The following CCM2 variants were observed in gnomAD, a reference collection of about 807,000 sequenced individuals.
CCM2 encodes the protein CCM2 scaffold protein.
Under a neutral mutation model 44.9 loss-of-function variants are expected in CCM2, and 25 were observed. The ratio of observed to expected loss-of-function variants is 0.56; its 90% CI spans 0.41 to 0.78. The LOEUF (loss-of-function observed/expected upper bound fraction) is 0.78, where lower values mean the gene tolerates loss of function less well. CCM2 is among the 30% of genes least tolerant of loss of function. The pLI, the probability that CCM2 is intolerant of heterozygous loss-of-function variation, is 0.00. For missense variants in CCM2, 481 were observed against 580.6 expected (o/e 0.83, Z 1.76); for synonymous variants, 219 against 241.1 (o/e 0.91, Z 0.85).
In CCM2 at chr7:45,024,903, C is replaced by G. The variant is rs551246549; in HGVS notation, c.31-13350C>G. ...CTACTTGTTACTGTGCTTTTTCTGTCCATAAAATTGAGTTCATCGTTGTTG... is the reference window on the plus strand; with the variant it reads ...CTACTTGTTACTGTGCTTTTTCTGTGCATAAAATTGAGTTCATCGTTGTTG... On this transcript the variant is annotated intron_variant, in intron 1 of 9. Transcript: ENST00000258781. 1.3e-5 allele frequency among the ~76,000 whole-genome samples: 2 copies of G among 152,240 alleles called. 1 individual carries two copies. Among genetic ancestry groups the G allele is most frequent in the African/African-American group, 4.8e-5 (2 of 41,554 alleles).
chr7:45,032,996 T>C (rs1797037446), intron 1 of CCM2, among the ~76,000 whole-genome samples: 1 of 127,026 alleles, frequency 7.9e-6, no homozygotes, highest in Non-Finnish European at 1.5e-5. Context: ...ACCAAGATTA[T>C]GCCATTGCAC....
chr7:45,026,211 A>G (rs1014488854), intron 1 of CCM2, among the ~76,000 whole-genome samples: 3 of 152,196 alleles, frequency 2.0e-5, no homozygotes, highest in African/African-American at 4.8e-5. Flanking sequence ...TGTATAGGCA[A>G]CTTTTAGGAA....
Position 45,075,760 on chromosome 7 carries a change from G to A in CCM2, c.1055-17G>A. 1 of 1,613,566 alleles carries A rather than the reference G, an allele frequency of 6.2e-7. No homozygotes were observed. On this transcript the variant is annotated splice_polypyrimidine_tract_variant and intron_variant, in intron 9 of 9. Transcript: ENST00000258781. ...AGCCGAACTGGAGGTGCCATGCTGGGTGTTGTGTGTCTGCAGGTCTGAGGC... is the reference window on the plus strand; with the variant it reads ...AGCCGAACTGGAGGTGCCATGCTGGATGTTGTGTGTCTGCAGGTCTGAGGC...
At chr7:45,010,329 T>C (rs1796018184) in intron 1 of CCM2, among the ~76,000 whole-genome samples, 1 of 152,200 alleles carries the variant, frequency 6.6e-6, no homozygotes, top group African/African-American at 2.4e-5. Context: ...AATTCCCTTA[T>C]GCCCCTTAGA....
At chr7:45,029,904 G>A (rs1357220584) in intron 1 of CCM2, among the ~76,000 whole-genome samples, 1 of 152,200 alleles carries the variant, frequency 6.6e-6, no homozygotes, top group East Asian at 1.9e-4. Flanking sequence ...AGCTTAAGAC[G>A]TTAACTTTGT....
At chr7:45,012,313 T>C (rs1253196097) in intron 1 of CCM2, among the ~76,000 whole-genome samples, 2 of 151,748 alleles carry the variant, frequency 1.3e-5, no homozygotes, top group African/African-American at 4.8e-5. Context: ...TTTGTATTTT[T>C]AGTAGAGACG....
chr7:45,005,136 C>G (rs138086369), intron 1 of CCM2, among the ~76,000 whole-genome samples: 1 of 151,984 alleles, frequency 6.6e-6, no homozygotes, highest in African/African-American at 2.4e-5. Flanking sequence ...TGCAGTGATT[C>G]TTGGATGGCA....
chr7:45,040,065 T>G (rs1412718723), intron 2 of CCM2, among the ~76,000 whole-genome samples: 3 of 150,076 alleles, frequency 2.0e-5, no homozygotes, highest in African/African-American at 7.4e-5. Flanking sequence ...TATTTATATA[T>G]CTTTAAAAAA....
At chr7:45,031,033 T>A (rs1796941773) in intron 1 of CCM2, among the ~76,000 whole-genome samples, 1 of 152,168 alleles carries the variant, frequency 6.6e-6, no homozygotes. Context: ...CTCGATTTAT[T>A]TTTTAACTAG....
intron 1 of CCM2, among the ~76,000 whole-genome samples, chr7:45,014,951 A>G (rs527341331): frequency 6.6e-6 from 1 of 152,348 alleles, no homozygotes; most frequent in African/African-American, 2.4e-5. Context: ...TGTACAGTTC[A>G]ATAGCACCAA....
At chr7:45,068,205 A>T (rs1798877664) in intron 4 of CCM2, 2 of 596,756 alleles carry the variant, frequency 3.4e-6, no homozygotes, top group South Asian at 3.8e-5. Context: ...GAAGCGTGTG[A>T]AACTGCAGGA....
intron 1 of CCM2, chr7:45,027,330 C>G (rs1796733478): frequency 2.8e-6 from 1 of 354,840 alleles, no homozygotes; most frequent in Non-Finnish European, 5.5e-6. Context: ...TAGCCCCTCA[C>G]AGTGCTTTCT....
intron 1 of CCM2, among the ~76,000 whole-genome samples, chr7:45,012,412 G>A (rs1209407068): frequency 2.0e-5 from 3 of 152,090 alleles, no homozygotes; most frequent in African/African-American, 7.2e-5. Context: ...GGGATTACAG[G>A]TGTGAGCCAC....
rs554562895 is a variant in CCM2, at chr7:45,049,616, TATTTA to T, written c.204+11196_204+11200del. 1.2e-4 allele frequency among the ~76,000 whole-genome samples: 19 copies of T among 152,388 alleles called. No homozygotes were observed. In the East Asian group the frequency reaches 1.7e-3, roughly 14 times the overall value. ...ATTTAACCAGTGATTTATTAATACA[TATTTA>T]ATTTATTTTCAACTGTTATGTATGT... On this transcript the variant is annotated intron_variant, in intron 2 of 9. Transcript: ENST00000258781.
At chr7:45,021,568 AAAAAAAATAAAATAAAAT>A (rs1010904110) in intron 1 of CCM2, among the ~76,000 whole-genome samples, 1 of 151,510 alleles carries the variant, frequency 6.6e-6, no homozygotes, top group African/African-American at 2.4e-5. Flanking sequence ...TTTCTCAAAA[AAAAAAAATAAAATAAAAT>A]AAATAATAAA....
intron 2 of CCM2, among the ~76,000 whole-genome samples, chr7:45,038,708 G>A (rs1185357534): frequency 2.0e-5 from 3 of 152,222 alleles, no homozygotes; most frequent in African/African-American, 7.2e-5. Context: ...TCCACCAGAA[G>A]AGGGTTAAAG....
intron 1 of CCM2, among the ~76,000 whole-genome samples, chr7:45,011,431 A>G (rs998318539): frequency 1.5e-4 from 23 of 152,308 alleles, no homozygotes; most frequent in African/African-American, 4.8e-4. Context: ...TCCTGACCTC[A>G]GGTGATCCAG....
intron 6 of CCM2, chr7:45,071,154 C>CT (rs1432493844): frequency 1.3e-5 from 2 of 152,254 alleles, no homozygotes; most frequent in African/African-American, 4.8e-5. Context: ...GAAGTGGAGG[C>CT]TTAGAAGTCA....
At position 45,076,295 on chromosome 7, in the gene CCM2, C is replaced by T; in HGVS notation, c.*238C>T. On this transcript the variant is annotated 3_prime_UTR_variant, in exon 10 of 10. Coordinates refer to ENST00000258781, the MANE Select transcript of CCM2 (RefSeq NM_031443.4). Reference sequence around the variant, plus strand: ...TTGTCCACCAGGGCTCAGCCAAGCCCTGCAGTGTGTCCCCGCTCGGGGAGG... The same window carrying T: ...TTGTCCACCAGGGCTCAGCCAAGCCTTGCAGTGTGTCCCCGCTCGGGGAGG... 1.4e-6 allele frequency: 1 copy of T among 695,918 alleles called. No individual in the cohort carries two copies. The highest frequency in any genetic ancestry group is 2.6e-6 in the Non-Finnish European group (1 of 386,988). 43.1% of individuals were successfully genotyped at this position (695,918 alleles called of 1,614,324 possible).
Sources: allele counts gnomAD v4.1 joint callset (sites outside exome capture counted in the v4.1 genomes callset), GRCh38; gene constraint gnomAD v4.1.1; transcripts MANE v1.5; gene names NCBI Gene and HGNC (gene_info 2026-07-23, HGNC 2026-07-21).